Variants in LSAMP observed in about 807,000 individuals in gnomAD.
LSAMP encodes limbic system-associated membrane protein.
LSAMP carries 7 observed loss-of-function variants against 38.6 expected under a neutral mutation model. The ratio of observed to expected loss-of-function variants is 0.18; its 90% CI spans 0.10 to 0.34. The LOEUF is 0.34. Ranked by LOEUF, LSAMP falls within the 10% of genes least tolerant of loss-of-function variation. The pLI, the probability that LSAMP is intolerant of heterozygous loss-of-function variation, is 1.00. For missense variants in LSAMP, 313 were observed against 420.0 expected (o/e 0.75, Z 2.23); for synonymous variants, 154 against 166.8 (o/e 0.92, Z 0.59).
chr3:116,209,967 G>T (rs1464633239), intron 1 of LSAMP, among the ~76,000 whole-genome samples: 1 of 152,034 alleles, frequency 6.6e-6, no homozygotes, highest in Non-Finnish European at 1.5e-5. Context: ...TGTTAGCCAG[G>T]ATGGTCTCCA....
Position 115,841,956 on chromosome 3 carries a change from C to T in LSAMP, c.808G>A (p.Glu270Lys). The change falls in exon 6 of 7, where the codon GAG becomes AAG. Residue 270 changes from glutamate to lysine, a missense_variant. Coordinates refer to ENST00000490035, the MANE Select transcript of LSAMP (RefSeq NM_002338.5). Reference protein sequence around the residue: ...SANGLEIKSTEGQSSLTVTNV... With the variant: ...SANGLEIKSTKGQSSLTVTNV... ...GTCACCGTCAGGGAAGACTGGCCCT[C>T]CGTGCTCTTAATCTCAAGGCCATTG... 6.2e-7 allele frequency: 1 copy of T among 1,613,664 alleles called. No individual in the cohort carries two copies. The highest frequency in any genetic ancestry group is 8.5e-7 in the Non-Finnish European group (1 of 1,179,974).
At chr3:116,183,800 A>C (rs928194951) in intron 1 of LSAMP, among the ~76,000 whole-genome samples, 1 of 151,888 alleles carries the variant, frequency 6.6e-6, no homozygotes, top group Non-Finnish European at 1.5e-5. Flanking sequence ...AAATAGCAAG[A>C]AGAAAAATAA....
chr3:116,125,169 T>C (rs991692170), intron 1 of LSAMP, among the ~76,000 whole-genome samples: 1 of 152,154 alleles, frequency 6.6e-6, no homozygotes, highest in Non-Finnish European at 1.5e-5. Context: ...CAGTGACAAA[T>C]TCATTTTCAT....
At chr3:115,933,333 T>C (rs1937611706) in intron 3 of LSAMP, among the ~76,000 whole-genome samples, 1 of 152,048 alleles carries the variant, frequency 6.6e-6, no homozygotes, top group African/African-American at 2.4e-5. Context: ...TTTGCTCAGG[T>C]AAGTGGTAAT....
intron 1 of LSAMP, among the ~76,000 whole-genome samples, chr3:116,444,498 C>T (rs35192256): frequency 0.25 from 36,862 of 150,426 alleles, 4,843 homozygotes; most frequent in African/African-American, 0.35. Context: ...AATTAAGGAC[C>T]CCCAACAAAA....
chr3:116,316,339 T>C (rs2047629035), intron 1 of LSAMP, among the ~76,000 whole-genome samples: 1 of 152,218 alleles, frequency 6.6e-6, no homozygotes, highest in Non-Finnish European at 1.5e-5. Flanking sequence ...TAGGTTGTTT[T>C]AGGAGTTATC....
intron 1 of LSAMP, among the ~76,000 whole-genome samples, chr3:116,192,819 C>G (rs943721517): frequency 2.6e-5 from 4 of 152,226 alleles, no homozygotes; most frequent in African/African-American, 9.6e-5. Flanking sequence ...ATCTAAGGAC[C>G]TTTTCAGCTC....
At chr3:115,861,433 A>C (rs1935697813) in intron 3 of LSAMP, among the ~76,000 whole-genome samples, 1 of 152,066 alleles carries the variant, frequency 6.6e-6, no homozygotes, top group African/African-American at 2.4e-5. Flanking sequence ...ACCTTGTTTA[A>C]CTGACGGTGG....
rs557681856 is a variant in LSAMP, at chr3:115,850,088, A to G, written c.649+2395T>C. ...TTATGAGGTATCTTTTTAGAATCTC[A>G]AATTTCTGTCCATATTCTGTGGTTC... On this transcript the variant is annotated intron_variant, in intron 4 of 6. Coordinates refer to ENST00000490035, the MANE Select transcript of LSAMP (RefSeq NM_002338.5). Among the ~76,000 whole-genome samples, 3 of 152,344 alleles carry G rather than the reference A, an allele frequency of 2.0e-5. No individual in the cohort carries two copies. The South Asian group carries it at 6.2e-4, about 32-fold the overall frequency.
At chr3:116,428,172 G>T (rs941361892) in intron 1 of LSAMP, among the ~76,000 whole-genome samples, 3 of 152,070 alleles carry the variant, frequency 2.0e-5, no homozygotes, top group Non-Finnish European at 4.4e-5. Context: ...ATCATTACCT[G>T]GTCTAGAATT....
intron 6 of LSAMP, among the ~76,000 whole-genome samples, chr3:115,831,197 C>T (rs1251877724): frequency 6.6e-6 from 1 of 152,130 alleles, no homozygotes; most frequent in Admixed American, 6.6e-5. Context: ...CTCAACATTT[C>T]CCAAACCCAC....
At chr3:116,109,773 G>T (rs777261767) in intron 1 of LSAMP, among the ~76,000 whole-genome samples, 11 of 151,712 alleles carry the variant, frequency 7.3e-5, no homozygotes, top group Non-Finnish European at 1.5e-4. Context: ...AGGGTGGAAG[G>T]TTGCCCATAG....
At chr3:115,936,223 A>C (rs1166510534) in intron 3 of LSAMP, among the ~76,000 whole-genome samples, 1 of 152,212 alleles carries the variant, frequency 6.6e-6, no homozygotes, top group Admixed American at 6.5e-5. Flanking sequence ...GGTAGCTAGA[A>C]TAGCTAAGGG....
intron 2 of LSAMP, among the ~76,000 whole-genome samples, chr3:116,044,203 G>A (rs1941241499): frequency 6.6e-6 from 1 of 152,172 alleles, no homozygotes; most frequent in African/African-American, 2.4e-5. Context: ...TTTGCTTTCT[G>A]GATGGAAAGC....
intron 2 of LSAMP, among the ~76,000 whole-genome samples, chr3:116,085,098 G>A (rs1329808393): frequency 6.6e-6 from 1 of 152,132 alleles, no homozygotes; most frequent in Non-Finnish European, 1.5e-5. Flanking sequence ...ATACCCTGGT[G>A]TCTTTCTTGT....
chr3:115,864,836 G>A (rs1935813136), intron 3 of LSAMP, among the ~76,000 whole-genome samples: 1 of 152,138 alleles, frequency 6.6e-6, no homozygotes, highest in Admixed American at 6.5e-5. Flanking sequence ...AAACGGTCAG[G>A]CTGTGCAGTA....
At chr3:116,391,019 A>T (rs1576185747) in intron 1 of LSAMP, among the ~76,000 whole-genome samples, 1 of 152,108 alleles carries the variant, frequency 6.6e-6, no homozygotes, top group African/African-American at 2.4e-5. Flanking sequence ...AGTGAACAGG[A>T]TTTAAATTTC....
intron 3 of LSAMP, among the ~76,000 whole-genome samples, chr3:115,928,176 C>T (rs1162694473): frequency 6.6e-6 from 1 of 152,162 alleles, no homozygotes; most frequent in Non-Finnish European, 1.5e-5. Context: ...TTAAATAACA[C>T]TAATTCAAAT....
At chr3:115,964,827 A>G (rs1938745539) in intron 3 of LSAMP, among the ~76,000 whole-genome samples, 1 of 152,152 alleles carries the variant, frequency 6.6e-6, no homozygotes, top group South Asian at 2.1e-4. Context: ...GATAAATCTA[A>G]AAAACTATAT....
Sources: allele counts gnomAD v4.1 joint callset (sites outside exome capture counted in the v4.1 genomes callset), GRCh38; gene constraint gnomAD v4.1.1; transcripts MANE v1.5; gene names NCBI Gene and HGNC (gene_info 2026-07-23, HGNC 2026-07-21).